The following SPMIP7 variants were observed in gnomAD, a reference collection of about 807,000 sequenced individuals.
SPMIP7 encodes sperm microtubule inner protein 7.
chr7:50,154,178 G>T, the SPMIP7 span, among the ~76,000 whole-genome samples: 1 of 151,932 alleles, frequency 6.6e-6, no homozygotes, highest in African/African-American at 2.4e-5. Context: ...TAGTAAAATG[G>T]TTACTATAGT....
At chr7:50,114,532 G>A in the SPMIP7 span, among the ~76,000 whole-genome samples, 2 of 151,828 alleles carry the variant, frequency 1.3e-5, no homozygotes, top group African/African-American at 2.4e-5. Flanking sequence ...AATTTTTAAA[G>A]CATATGTAGT....
At chr7:50,158,907 C>G in the SPMIP7 span, 1 of 779,376 alleles carries the variant, frequency 1.3e-6, no homozygotes, top group South Asian at 1.7e-5. Flanking sequence ...CTCCCCAGCA[C>G]GAGTCATCCT....
chr7:50,122,115 T>C, the SPMIP7 span, among the ~76,000 whole-genome samples: 1 of 152,218 alleles, frequency 6.6e-6, no homozygotes, highest in Non-Finnish European at 1.5e-5. Context: ...TCCTGCCTAA[T>C]AAAATATTAC....
At chr7:50,119,795 G>A in the SPMIP7 span, among the ~76,000 whole-genome samples, 1 of 152,200 alleles carries the variant, frequency 6.6e-6, no homozygotes, top group Non-Finnish European at 1.5e-5. Flanking sequence ...TCAAGATTTG[G>A]GGATCACTTA....
chr7:50,101,783 C>T, the SPMIP7 span, among the ~76,000 whole-genome samples: 1 of 152,172 alleles, frequency 6.6e-6, no homozygotes, highest in Non-Finnish European at 1.5e-5. Flanking sequence ...TTTCCTTGGT[C>T]CAGCTTGTCA....
chr7:50,112,547 A>G, the SPMIP7 span, among the ~76,000 whole-genome samples: 1 of 152,210 alleles, frequency 6.6e-6, no homozygotes, highest in Non-Finnish European at 1.5e-5. Context: ...CAAAGTAATG[A>G]ATAAATTAGA....
the SPMIP7 span, chr7:50,141,240 T>C: frequency 1.6e-6 from 2 of 1,274,222 alleles, no homozygotes; most frequent in East Asian, 5.1e-5. Flanking sequence ...CTATGTTTCT[T>C]ATACAGAAAT....
At chr7:50,101,907 T>G in the SPMIP7 span, among the ~76,000 whole-genome samples, 1 of 152,254 alleles carries the variant, frequency 6.6e-6, no homozygotes, top group African/African-American at 2.4e-5. Context: ...TTTCTCTTGC[T>G]GCTTTAATAA....
chr7:50,126,169 T>C, the SPMIP7 span, among the ~76,000 whole-genome samples: 1 of 152,050 alleles, frequency 6.6e-6, no homozygotes, highest in Non-Finnish European at 1.5e-5. Flanking sequence ...TTAATGAAAG[T>C]GATAGACCTA....
chr7:50,130,650 A>G, the SPMIP7 span, among the ~76,000 whole-genome samples: 1 of 152,128 alleles, frequency 6.6e-6, no homozygotes, highest in Non-Finnish European at 1.5e-5. Flanking sequence ...AAAAGGTAGA[A>G]CAGGACAAGA....
chr7:50,118,798 C>G, the SPMIP7 span, among the ~76,000 whole-genome samples: 1 of 152,130 alleles, frequency 6.6e-6, no homozygotes, highest in African/African-American at 2.4e-5. Flanking sequence ...TTTGATTGCG[C>G]TGGCTTTAAT....
the SPMIP7 span, among the ~76,000 whole-genome samples, chr7:50,121,686 CTG>C: frequency 1.3e-4 from 20 of 151,924 alleles, no homozygotes; most frequent in Non-Finnish European, 1.3e-4. Context: ...TGGCGTCTCA[CTG>C]TGTCACCCAG....
At chr7:50,141,273 T>C in the SPMIP7 span, 7 of 1,523,928 alleles carry the variant, frequency 4.6e-6, no homozygotes, top group East Asian at 4.9e-5. Context: ...TCCTTTCCAT[T>C]CTAACAGTGG....
the SPMIP7 span, among the ~76,000 whole-genome samples, chr7:50,154,352 G>A: frequency 6.6e-6 from 1 of 152,030 alleles, no homozygotes; most frequent in Admixed American, 6.6e-5. Context: ...TTTCTCCTGC[G>A]TGTCTGCTAC....
the SPMIP7 span, chr7:50,151,361 T>G: frequency 9.7e-7 from 1 of 1,035,000 alleles, no homozygotes; most frequent in Non-Finnish European, 1.4e-6. Context: ...TCTTTATATT[T>G]TTCATATTTG....
the SPMIP7 span, chr7:50,151,561 A>T: frequency 6.5e-7 from 1 of 1,532,052 alleles, no homozygotes; most frequent in Non-Finnish European, 8.9e-7. Context: ...TGCACCGGTA[A>T]GTATGAATCC....
chr7:50,157,386 C>T, the SPMIP7 span, among the ~76,000 whole-genome samples: 1 of 152,114 alleles, frequency 6.6e-6, no homozygotes, highest in African/African-American at 2.4e-5. Flanking sequence ...AAGGGGAATA[C>T]AGGCGCAAGT....
chr7:50,156,271 T>C, the SPMIP7 span, among the ~76,000 whole-genome samples: 2 of 152,008 alleles, frequency 1.3e-5, no homozygotes, highest in East Asian at 1.9e-4. Flanking sequence ...AATTTTCCAG[T>C]GAAAGTATGA....
At chr7:50,105,621 C>T in the SPMIP7 span, among the ~76,000 whole-genome samples, 1 of 152,190 alleles carries the variant, frequency 6.6e-6, no homozygotes, top group African/African-American at 2.4e-5. Context: ...TATATGTCCT[C>T]AATGCCTCCT....
Sources: gnomAD v4.1 joint callset for allele counts (sites outside exome capture counted in the v4.1 genomes callset) on GRCh38, gnomAD v4.1.1 for gene constraint, MANE v1.5 for transcripts, NCBI Gene and HGNC (gene_info 2026-07-23, HGNC 2026-07-21) for gene names.